The following ERC2 variants were observed in gnomAD, a reference collection of about 807,000 sequenced individuals.
ERC2 encodes ELKS/RAB6-interacting/CAST family member 2, also known as ERC protein 2.
In ERC2, 42 loss-of-function variants were observed where a neutral mutation model predicts 114.8. The ratio of observed to expected loss-of-function variants is 0.37; its 90% CI spans 0.29 to 0.47. ERC2 has a LOEUF of 0.47. Among genes scored for constraint, ERC2 ranks in the 20% least tolerant of loss-of-function variants. ERC2 has a pLI of 0.99. For missense variants in ERC2, 939 were observed against 1,150.7 expected (o/e 0.82, Z 2.66); for synonymous variants, 454 against 425.5 (o/e 1.07, Z -0.82).
chr3:55,936,047 C>A (rs1160276302), intron 13 of ERC2, among the ~76,000 whole-genome samples: 2 of 152,132 alleles, frequency 1.3e-5, no homozygotes, highest in Non-Finnish European at 2.9e-5. Context: ...TAGTAATTAT[C>A]TTATTACCTA....
At chr3:56,190,764 G>T (rs1345454261) in intron 3 of ERC2, among the ~76,000 whole-genome samples, 2 of 151,834 alleles carry the variant, frequency 1.3e-5, no homozygotes, top group African/African-American at 4.8e-5. Context: ...TGTAGAGATG[G>T]GGTCTCATCT....
intron 17 of ERC2, among the ~76,000 whole-genome samples, chr3:55,638,381 G>A (rs1290929891): frequency 6.6e-6 from 1 of 152,164 alleles, no homozygotes; most frequent in Non-Finnish European, 1.5e-5. Context: ...AGCACAAGGA[G>A]CTCATAACTT....
intron 15 of ERC2, among the ~76,000 whole-genome samples, chr3:55,732,255 A>C (rs2065296062): frequency 6.6e-6 from 1 of 152,182 alleles, no homozygotes; most frequent in African/African-American, 2.4e-5. Flanking sequence ...TTTTGATAGC[A>C]CATTAATCAT....
At chr3:55,904,785 C>A (rs2064334279) in intron 13 of ERC2, among the ~76,000 whole-genome samples, 1 of 152,200 alleles carries the variant, frequency 6.6e-6, no homozygotes, top group Admixed American at 6.5e-5. Context: ...GTGGACAGAG[C>A]CAGCTGGCCT....
At chr3:56,450,060 G>A (rs1028073664) in intron 1 of ERC2, among the ~76,000 whole-genome samples, 1 of 152,210 alleles carries the variant, frequency 6.6e-6, no homozygotes, top group Non-Finnish European at 1.5e-5. Context: ...CAAAGTCCCA[G>A]TAATAAACCA....
intron 13 of ERC2, among the ~76,000 whole-genome samples, chr3:55,936,642 A>C (rs2066463595): frequency 6.6e-6 from 1 of 152,204 alleles, no homozygotes; most frequent in Non-Finnish European, 1.5e-5. Context: ...TAGCTAAGGG[A>C]CCAGCTTGTT....
intron 14 of ERC2, among the ~76,000 whole-genome samples, chr3:55,792,520 G>A (rs1448040539): frequency 6.6e-6 from 1 of 152,156 alleles, no homozygotes; most frequent in Admixed American, 6.5e-5. Flanking sequence ...CCTGTGCTCA[G>A]TTCACAATAG....
intron 13 of ERC2, among the ~76,000 whole-genome samples, chr3:55,944,744 T>TATA (rs2067020567): frequency 6.6e-6 from 1 of 152,234 alleles, no homozygotes; most frequent in Non-Finnish European, 1.5e-5. Flanking sequence ...TGAGACCGCC[T>TATA]ACAGGGGCCT....
intron 16 of ERC2, among the ~76,000 whole-genome samples, chr3:55,693,639 A>C (rs1331710780): frequency 2.0e-5 from 3 of 152,132 alleles, no homozygotes; most frequent in Non-Finnish European, 4.4e-5. Context: ...CTCACAAAAC[A>C]GAAGAATGGA....
At chr3:56,131,896 C>T (rs1332026444) in intron 6 of ERC2, among the ~76,000 whole-genome samples, 1 of 152,138 alleles carries the variant, frequency 6.6e-6, no homozygotes, top group Admixed American at 6.5e-5. Context: ...ATGTTAATTA[C>T]CATGAATTGA....
chr3:56,022,723 G>A (rs1168709256), intron 7 of ERC2, among the ~76,000 whole-genome samples: 1 of 152,184 alleles, frequency 6.6e-6, no homozygotes, highest in East Asian at 1.9e-4. Flanking sequence ...AGCCTTGGGG[G>A]TGGAAAGGGA....
At chr3:56,430,190 C>A (rs975502069) in intron 2 of ERC2, among the ~76,000 whole-genome samples, 4 of 152,102 alleles carry the variant, frequency 2.6e-5, no homozygotes. Flanking sequence ...AAAGAATTAC[C>A]TTGATAGATG....
chr3:55,591,697 C>G (rs754900013), intron 17 of ERC2, among the ~76,000 whole-genome samples: 1 of 152,014 alleles, frequency 6.6e-6, no homozygotes, highest in Non-Finnish European at 1.5e-5. Context: ...GAGTGGGTCC[C>G]GGGGGTCTCC....
chr3:55,727,794 A>G (rs1311570512), intron 15 of ERC2, among the ~76,000 whole-genome samples: 1 of 152,204 alleles, frequency 6.6e-6, no homozygotes, highest in African/African-American at 2.4e-5. Flanking sequence ...AGCCCAAGAA[A>G]TTGGAGGAGA....
intron 17 of ERC2, among the ~76,000 whole-genome samples, chr3:55,591,762 C>T (rs2057901995): frequency 1.3e-5 from 2 of 152,144 alleles, no homozygotes; most frequent in African/African-American, 2.4e-5. Flanking sequence ...TCAGGCACCC[C>T]ATCCCCATTA....
At chr3:56,220,210 G>A in intron 3 of ERC2, among the ~76,000 whole-genome samples, 1 of 152,060 alleles carries the variant, frequency 6.6e-6, no homozygotes, top group East Asian at 1.9e-4. Flanking sequence ...TCTGAATCAT[G>A]ATTATTTCTA....
chr3:56,304,126 A>G (rs2056073803), intron 2 of ERC2, among the ~76,000 whole-genome samples: 1 of 152,226 alleles, frequency 6.6e-6, no homozygotes. Flanking sequence ...ATATACAGCA[A>G]TGAAAAATAA....
At chr3:55,679,533 C>A (rs2148764795) in intron 17 of ERC2, among the ~76,000 whole-genome samples, 1 of 152,282 alleles carries the variant, frequency 6.6e-6, no homozygotes, top group East Asian at 1.9e-4. Flanking sequence ...AGGGGAGCAA[C>A]CATGGCAATC....
At chr3:56,220,335 C>T (rs1018320170) in intron 3 of ERC2, among the ~76,000 whole-genome samples, 81 of 152,262 alleles carry the variant, frequency 5.3e-4, no homozygotes, top group African/African-American at 1.9e-3. Context: ...AAACAGGTTA[C>T]ACAGAAAAAT....
Sources: allele counts gnomAD v4.1 joint callset (sites outside exome capture counted in the v4.1 genomes callset), GRCh38; gene constraint gnomAD v4.1.1; transcripts MANE v1.5; gene names NCBI Gene and HGNC (gene_info 2026-07-23, HGNC 2026-07-21).